The following DPYD variants were observed in gnomAD, a reference collection of about 807,000 sequenced individuals.
DPYD encodes the protein dihydropyrimidine dehydrogenase.
A neutral mutation model predicts 116.2 loss-of-function variants in DPYD; 109 were observed. The observed-to-expected ratio is 0.94, with a 90% CI of 0.80 to 1.10. The LOEUF is 1.10. Among genes scored for constraint, DPYD ranks in the 50% least tolerant of loss-of-function variants. The pLI is 0.00. For synonymous variants in DPYD, 440 were observed against 432.0 expected (o/e 1.02, Z -0.23); for missense variants, 1,302 against 1,254.5 (o/e 1.04, Z -0.57).
chr1:97,217,774 C>A (rs1272964852), intron 19 of DPYD, among the ~76,000 whole-genome samples: 3 of 152,080 alleles, frequency 2.0e-5, no homozygotes, highest in Non-Finnish European at 2.9e-5. Context: ...TAGGGCTGGA[C>A]CAGAGTGCTG....
In DPYD at chr1:97,595,085, G is replaced by A; in HGVS notation, c.932C>T (p.Pro311Leu). The stretch of plus-strand genomic sequence containing the variant: ...TGCTTTACTGCCTTTGGCTACAAGT[G>A]GCAAAAAGTCTTTGGATGTATAAAA... ...QGFYTSKDFL[P>L]LVAKGSKAGM... is the part of the protein sequence containing the mutation. The change falls in exon 9 of 23, where the codon CCA becomes CTA. Residue 311 changes from proline (P) to leucine (L), a missense_variant. Transcript: ENST00000370192. The A allele has an allele frequency of 1.2e-6, 2 of 1,613,504 alleles. No homozygotes were observed. The highest frequency in any genetic ancestry group is 1.7e-6 in the Non-Finnish European group (2 of 1,179,616).
intron 8 of DPYD, among the ~76,000 whole-genome samples, chr1:97,675,683 A>G (rs1019830351): frequency 2.6e-5 from 4 of 152,212 alleles, no homozygotes; most frequent in Non-Finnish European, 5.9e-5. Context: ...ACGTAGAATA[A>G]GATAGTAGTT....
intron 20 of DPYD, among the ~76,000 whole-genome samples, chr1:97,191,550 T>A (rs1658367366): frequency 6.6e-6 from 1 of 152,182 alleles, no homozygotes; most frequent in Admixed American, 6.6e-5. Context: ...TATTACCAAA[T>A]CAGTTTCCAT....
chr1:97,816,049 A>C (rs1214275725), intron 3 of DPYD, among the ~76,000 whole-genome samples: 1 of 151,790 alleles, frequency 6.6e-6, no homozygotes, highest in Non-Finnish European at 1.5e-5. Flanking sequence ...GAACATTTAC[A>C]TTTTTAATTT....
Position 97,326,017 on chromosome 1 carries a change from T to C in DPYD, c.2059-19720A>G, listed in dbSNP as rs574556985. Among the ~76,000 whole-genome samples the C allele has an allele frequency of 4.0e-5, 6 of 151,630 alleles. No homozygotes were observed. In the South Asian group the frequency reaches 1.3e-3, roughly 32 times the overall value. ...GAAACATAACTCTTATATATGTCTA[T>C]GGGGTGAGAGTATAAGAGTCCAAGC... On this transcript the variant is annotated intron_variant, in intron 16 of 22. Transcript: ENST00000370192.
intron 1 of DPYD, among the ~76,000 whole-genome samples, chr1:97,913,101 T>A (rs1195462674): frequency 6.6e-6 from 1 of 152,134 alleles, no homozygotes; most frequent in East Asian, 1.9e-4. Context: ...ATTTGTTAAT[T>A]CCAGATCACC....
chr1:97,666,448 C>T (rs905124709), intron 8 of DPYD, among the ~76,000 whole-genome samples: 2 of 152,098 alleles, frequency 1.3e-5, no homozygotes, highest in African/African-American at 4.8e-5. Context: ...CATGAACTAC[C>T]CTACCTGGCC....
chr1:97,089,835 T>G (rs200779700), intron 21 of DPYD, among the ~76,000 whole-genome samples: 24,702 of 145,046 alleles, frequency 0.17, 2,398 homozygotes, highest in East Asian at 0.35. Context: ...TTGTTTTTTT[T>G]TTTTTTTTTT....
chr1:97,130,200 T>C (rs770810901), intron 20 of DPYD, among the ~76,000 whole-genome samples: 5 of 152,222 alleles, frequency 3.3e-5, no homozygotes, highest in Non-Finnish European at 7.3e-5. Flanking sequence ...AAGCTAGATC[T>C]TTAGAGATCT....
chr1:97,578,836 G>A lies in DPYD; in HGVS notation c.1129-4866C>T, dbSNP rs78207642. On this transcript the variant is annotated intron_variant, in intron 10 of 22. Coordinates refer to ENST00000370192, the MANE Select transcript of DPYD (RefSeq NM_000110.4). ...TATAGGAACCACATGATGGATTTAT[G>A]AACCCAATACTGTAAACGAGTTAAT... Among the ~76,000 whole-genome samples the A allele has an allele frequency of 6.0e-3, 909 of 152,182 alleles. 3 individuals are homozygous for A. The highest frequency in any genetic ancestry group is 0.01 in the Middle Eastern group (3 of 294).
intron 8 of DPYD, among the ~76,000 whole-genome samples, chr1:97,672,336 T>C (rs1659914606): frequency 6.6e-6 from 1 of 152,182 alleles, no homozygotes; most frequent in Non-Finnish European, 1.5e-5. Context: ...CAAAGAATAA[T>C]TGCCCTACAT....
At chr1:97,140,232 T>G (rs367942842) in intron 20 of DPYD, among the ~76,000 whole-genome samples, 31 of 152,152 alleles carry the variant, frequency 2.0e-4, no homozygotes, top group African/African-American at 7.2e-4. Context: ...AGGTTGGTTG[T>G]GAGGGTTCCC....
At position 97,276,403 on chromosome 1, in the gene DPYD, C is replaced by T. The variant is rs980952306; in HGVS notation, c.2299+28856G>A. Among the ~76,000 whole-genome samples, 9 of 152,140 alleles carry T rather than the reference C, an allele frequency of 5.9e-5. No homozygotes were observed. The South Asian group carries it at 8.3e-4, about 14-fold the overall frequency. On this transcript the variant is annotated intron_variant, in intron 18 of 22. Transcript: ENST00000370192. ...TGGGAGGAAATATTTGCAAACTATGCGTCCAACAAAAGTCTAATATCCAGA... is the reference window on the plus strand; with the variant it reads ...TGGGAGGAAATATTTGCAAACTATGTGTCCAACAAAAGTCTAATATCCAGA...
chr1:97,183,440 T>G (rs1054137004), intron 20 of DPYD, among the ~76,000 whole-genome samples: 1 of 152,092 alleles, frequency 6.6e-6, no homozygotes, highest in South Asian at 2.1e-4. Flanking sequence ...TTCTGGACTT[T>G]CTATCCATTA....
rs557103404 is a variant in DPYD, at chr1:97,539,829, T to C, written c.1524+9731A>G. Among the ~76,000 whole-genome samples, 17 of 152,320 alleles carry C rather than the reference T, an allele frequency of 1.1e-4. No individual in the cohort carries two copies. In the South Asian group the frequency reaches 3.3e-3, roughly 30 times the overall value. ...TAATTTAGAATAATTTAGTTTGTGT[T>C]CTATCTCCAAGTTTTTTCTCAGTGG... On this transcript the variant is annotated intron_variant, in intron 12 of 22. Coordinates refer to ENST00000370192, the MANE Select transcript of DPYD (RefSeq NM_000110.4).
chr1:97,125,364 G>T (rs1349214602), intron 20 of DPYD, among the ~76,000 whole-genome samples: 1 of 152,026 alleles, frequency 6.6e-6, no homozygotes, highest in Non-Finnish European at 1.5e-5. Flanking sequence ...CACCATAGAT[G>T]TTCTGATGCA....
At chr1:97,417,337 TG>T (rs1163668647) in intron 14 of DPYD, among the ~76,000 whole-genome samples, 3 of 152,214 alleles carry the variant, frequency 2.0e-5, no homozygotes, top group Non-Finnish European at 4.4e-5. Context: ...CTATCTCCAT[TG>T]CTTCTTTTAT....
chr1:97,593,485 C>T (rs931899118), intron 9 of DPYD, 98 bp from the exon 10 acceptor site: 119 of 1,411,504 alleles, frequency 8.4e-5, no homozygotes, highest in Non-Finnish European at 1.6e-5. Flanking sequence ...AAAATTGCAT[C>T]TTGCAGTTTT....
chr1:97,576,431 T>C (rs1415280441), intron 10 of DPYD, among the ~76,000 whole-genome samples: 1 of 152,216 alleles, frequency 6.6e-6, no homozygotes, highest in Non-Finnish European at 1.5e-5. Flanking sequence ...TCCCACTCTA[T>C]CTTTGCTATC....
Sources: allele counts gnomAD v4.1 joint callset (sites outside exome capture counted in the v4.1 genomes callset), GRCh38; gene constraint gnomAD v4.1.1; transcripts MANE v1.5; gene names NCBI Gene and HGNC (gene_info 2026-07-23, HGNC 2026-07-21).